Variants in PDSS1 observed in about 807,000 individuals in gnomAD.
PDSS1 encodes decaprenyl diphosphate synthase subunit 1, also known as all trans-polyprenyl-diphosphate synthase PDSS1.
In PDSS1, 43 loss-of-function variants were observed where a neutral mutation model predicts 57.5. That is an observed-to-expected ratio of 0.75 (90% CI 0.59 to 0.96). The LOEUF (loss-of-function observed/expected upper bound fraction) is 0.96, where lower values mean the gene tolerates loss of function less well. Ranked by LOEUF, PDSS1 falls within the 50% of genes least tolerant of loss-of-function variation. PDSS1 has a pLI of 0.00. For missense variants in PDSS1, 438 were observed against 527.8 expected (o/e 0.83, Z 1.67); for synonymous variants, 175 against 191.3 (o/e 0.91, Z 0.70).
rs961248328 is a variant in PDSS1 at position 26,720,068 on chromosome 10, A to G, written c.468-150A>G. Reference sequence around the variant, plus strand: ...CTCATACATTTGTAAATGTATAGAAATGGCTGTGTGGTGAAGCCAGAGTTT... The same window carrying G: ...CTCATACATTTGTAAATGTATAGAAGTGGCTGTGTGGTGAAGCCAGAGTTT... On this transcript the variant is annotated intron_variant, in intron 5 of 11. Coordinates refer to ENST00000376215, the MANE Select transcript of PDSS1 (RefSeq NM_014317.5). The G allele has an allele frequency of 7.7e-6, 8 of 1,037,252 alleles. No homozygotes were observed. The African/African-American group carries it at 8.0e-5, about 10-fold the overall frequency. The allele number at this position is 1,037,252 out of a possible 1,614,324, so 64.3% of individuals were successfully genotyped here. A position where few individuals can be genotyped will look rare whatever the true frequency, so the allele number is the denominator to read the frequency against.
intron 5 of PDSS1, among the ~76,000 whole-genome samples, chr10:26,712,094 T>C (rs1835423361): frequency 1.1e-5 from 1 of 89,258 alleles, no homozygotes; most frequent in Admixed American, 1.4e-4. Flanking sequence ...TTCCACCTCC[T>C]GGGTTCAAGC....
At chr10:26,701,674 G>C (rs544485486) in intron 1 of PDSS1, among the ~76,000 whole-genome samples, 30 of 152,214 alleles carry the variant, frequency 2.0e-4, no homozygotes, top group African/African-American at 3.6e-4. Flanking sequence ...TCTGCTGAAG[G>C]GGGGAGAACC....
intron 11 of PDSS1, among the ~76,000 whole-genome samples, chr10:26,745,703 C>T (rs1452395594): frequency 2.6e-5 from 4 of 151,878 alleles, no homozygotes; most frequent in East Asian, 1.9e-4. Context: ...AAAAATTAGC[C>T]GGGCATGGTG....
intron 2 of PDSS1, among the ~76,000 whole-genome samples, chr10:26,703,856 C>T (rs1305915819): frequency 5.0e-5 from 5 of 99,474 alleles, no homozygotes; most frequent in Non-Finnish European, 7.5e-5. Context: ...CCAAGGCGGG[C>T]GGATCATGAG....
rs752036546 is a variant in PDSS1, at chr10:26,705,449, AATTTT to A, written c.336+66_336+70del. On this transcript the variant is annotated intron_variant, in intron 4 of 11. Coordinates refer to ENST00000376215, the MANE Select transcript of PDSS1 (RefSeq NM_014317.5). ...GTTTTAGCTTACCAAAACTTACTAA[AATTTT>A]ATTTTATTTTTTATTCTTATAATTA... 1.1e-4 allele frequency: 80 copies of A among 722,558 alleles called. 1 individual carries two copies. Among genetic ancestry groups the A allele is most frequent in the Non-Finnish European group, 1.6e-4 (72 of 445,450 alleles). The allele number at this position is 722,558 out of a possible 1,614,324, so 44.8% of individuals were successfully genotyped here.
chr10:26,725,409 A>G (rs1835917222), intron 8 of PDSS1, among the ~76,000 whole-genome samples: 1 of 152,226 alleles, frequency 6.6e-6, no homozygotes. Context: ...GACCTAATAG[A>G]AACTTTAAGG....
chr10:26,710,562 A>G (rs1369660567), intron 5 of PDSS1, among the ~76,000 whole-genome samples: 2 of 86,588 alleles, frequency 2.3e-5, no homozygotes, highest in African/African-American at 7.6e-5. Flanking sequence ...CTGGTCTCAA[A>G]CTCCTGAACT....
intron 8 of PDSS1, among the ~76,000 whole-genome samples, chr10:26,732,704 G>A (rs1171274392): frequency 6.6e-6 from 1 of 152,240 alleles, no homozygotes; most frequent in Non-Finnish European, 1.5e-5. Flanking sequence ...CTCAGAAATT[G>A]TTAGCTTTTA....
intron 10 of PDSS1, among the ~76,000 whole-genome samples, chr10:26,737,570 A>G (rs1348849281): frequency 1.3e-5 from 2 of 151,886 alleles, no homozygotes; most frequent in Non-Finnish European, 2.9e-5. Flanking sequence ...CGTCTCTACT[A>G]AAAATACAAA....
intron 10 of PDSS1, chr10:26,740,667 G>A (rs1235146019): frequency 4.4e-6 from 2 of 456,720 alleles, no homozygotes; most frequent in South Asian, 1.5e-5. Flanking sequence ...GGAAAAACTG[G>A]CAGCTGCTGT....
intron 8 of PDSS1, among the ~76,000 whole-genome samples, chr10:26,731,558 T>G (rs1278048449): frequency 6.6e-6 from 1 of 152,176 alleles, no homozygotes; most frequent in Non-Finnish European, 1.5e-5. Context: ...TAGGGGTAAT[T>G]GCACATGTGG....
chr10:26,729,709 G>A (rs1836096769), intron 8 of PDSS1, among the ~76,000 whole-genome samples: 1 of 152,106 alleles, frequency 6.6e-6, no homozygotes, highest in Non-Finnish European at 1.5e-5. Flanking sequence ...CTGTTCAAAA[G>A]TTACCTTTCT....
At chr10:26,703,830 C>T (rs1170388855) in intron 2 of PDSS1, among the ~76,000 whole-genome samples, 3 of 151,738 alleles carry the variant, frequency 2.0e-5, no homozygotes, top group Non-Finnish European at 4.4e-5. Flanking sequence ...GCCTGTAATC[C>T]CAGCACTTTG....
intron 5 of PDSS1, among the ~76,000 whole-genome samples, 198 bp downstream of exon 5, chr10:26,709,966 C>A (rs1464027822): frequency 6.6e-6 from 1 of 151,984 alleles, no homozygotes; most frequent in African/African-American, 2.4e-5. Flanking sequence ...GCCTGGCCAA[C>A]ATGGTGAGAC....
rs1334464084 is a variant in PDSS1, at chr10:26,711,216, T to C, written c.467+1448T>C. Among the ~76,000 whole-genome samples the C allele has an allele frequency of 4.0e-5, 4 of 100,524 alleles. 1 individual carries two copies. In the East Asian group the frequency reaches 9.8e-4, roughly 25 times the overall value. 65.9% of individuals were successfully genotyped at this position (100,524 alleles called of 152,430 possible). ...ACATCATATAATCTATTGATGGAAATTCCAGTAGACCATGATGTACTAATA... is the reference window on the plus strand; with the variant it reads ...ACATCATATAATCTATTGATGGAAACTCCAGTAGACCATGATGTACTAATA... On this transcript the variant is annotated intron_variant, in intron 5 of 11. Transcript: ENST00000376215.
chr10:26,724,838 A>C (rs1023881332), intron 8 of PDSS1, among the ~76,000 whole-genome samples: 2 of 152,214 alleles, frequency 1.3e-5, no homozygotes. Context: ...TTGGCCCTGC[A>C]AAGTACTGGG....
rs1780196 is a variant in PDSS1, at chr10:26,720,405, A to G, written c.609+46A>G. Reference sequence around the variant, plus strand: ...TAAAATCTCTCTTACTGAATCACACACTTTTCGGACCGCATTTGTTTCTCA... The same window carrying G: ...TAAAATCTCTCTTACTGAATCACACGCTTTTCGGACCGCATTTGTTTCTCA... On this transcript the variant is annotated intron_variant, in intron 6 of 11. Coordinates refer to ENST00000376215, the MANE Select transcript of PDSS1 (RefSeq NM_014317.5). 0.87 allele frequency: 1,064,694 copies of G among 1,226,386 alleles called. 462,806 individuals carry two copies. The highest frequency in any genetic ancestry group is 0.93 in the Admixed American group (55,333 of 59,564). 76.0% of individuals were successfully genotyped at this position (1,226,386 alleles called of 1,614,324 possible).
In PDSS1 at chr10:26,704,727, A is replaced by G. The variant is rs751609799; in HGVS notation, c.213A>G (p.Val71=). ...VKHLTSACPN[V]CRISRFHHTT... Reference sequence around the variant, plus strand: ...ATTTAACATCTGCCTGTCCAAATGTATGTCGTATATCACGGTAAGTTTACA... The same window carrying G: ...ATTTAACATCTGCCTGTCCAAATGTGTGTCGTATATCACGGTAAGTTTACA... Residue 71 remains valine, a synonymous_variant, in exon 3 of 12, where the codon GTA becomes GTG. Coordinates refer to ENST00000376215, the MANE Select transcript of PDSS1 (RefSeq NM_014317.5). 2.1e-6 allele frequency: 3 copies of G among 1,422,462 alleles called. No individual in the cohort carries two copies. The highest frequency in any genetic ancestry group is 1.4e-5 in the African/African-American group (1 of 71,288). 88.1% of individuals were successfully genotyped at this position (1,422,462 alleles called of 1,614,324 possible). A position where few individuals can be genotyped will look rare whatever the true frequency, so the allele number is the denominator to read the frequency against.
intron 5 of PDSS1, 108 bp from the exon 6 acceptor site, chr10:26,720,110 A>G: frequency 6.6e-7 from 1 of 1,512,332 alleles, no homozygotes; most frequent in South Asian, 1.2e-5. Context: ...CGTTTCTCTT[A>G]GAGAAATAAC....
Sources: allele counts gnomAD v4.1 joint callset (sites outside exome capture counted in the v4.1 genomes callset), GRCh38; gene constraint gnomAD v4.1.1; transcripts MANE v1.5; gene names NCBI Gene and HGNC (gene_info 2026-07-23, HGNC 2026-07-21).